ANXA13: variants seen among roughly 807,000 people sequenced by gnomAD.
ANXA13 encodes annexin A13.
In ANXA13, 36 loss-of-function variants were observed where a neutral mutation model predicts 46.6. The observed-to-expected ratio is 0.77, with a 90% CI of 0.59 to 1.02. The LOEUF (loss-of-function observed/expected upper bound fraction) is 1.02. Ranked by LOEUF, ANXA13 falls within the 50% of genes least tolerant of loss-of-function variation. ANXA13 has a pLI of 0.00. For synonymous variants in ANXA13, 163 were observed against 152.9 expected (o/e 1.07, Z -0.49); for missense variants, 417 against 396.5 (o/e 1.05, Z -0.44).
intron 2 of ANXA13, among the ~76,000 whole-genome samples, chr8:123,711,278 A>G (rs1049419997): frequency 3.3e-5 from 5 of 152,184 alleles, no homozygotes; most frequent in Non-Finnish European, 7.4e-5. Flanking sequence ...AACACCTATG[A>G]AGGCATCTAC....
rs1178076554 is a variant in ANXA13 at position 123,689,053 on chromosome 8, T to C, written c.643-107A>G. The stretch of plus-strand genomic sequence containing the variant: ...CACTCAAGTTTTCCAGATTTAGTCC[T>C]GTGGCTTCAGGGAACTGCTATCCTG... On this transcript the variant is annotated intron_variant, in intron 8 of 10. Transcript: ENST00000419625. 5 of 1,060,504 alleles carry C rather than the reference T, an allele frequency of 4.7e-6. No homozygotes were observed. The East Asian group carries it at 7.5e-5, about 16-fold the overall frequency. The allele number at this position is 1,060,504 out of a possible 1,614,324, so 65.7% of individuals were successfully genotyped here. A position where few individuals can be genotyped will look rare whatever the true frequency, so the allele number is the denominator to read the frequency against.
intron 4 of ANXA13, 58 bp from the exon 5 acceptor site, chr8:123,695,779 G>A (rs1165199308): frequency 7.0e-7 from 1 of 1,438,832 alleles, no homozygotes; most frequent in African/African-American, 1.4e-5. Context: ...ATCAATAAGA[G>A]ATACAGAGAG....
intron 9 of ANXA13, among the ~76,000 whole-genome samples, chr8:123,685,563 A>C (rs1199401337): frequency 6.6e-6 from 1 of 152,254 alleles, no homozygotes; most frequent in Non-Finnish European, 1.5e-5. Context: ...AGTGATTAAC[A>C]GTAAGTGATT....
Position 123,693,792 on chromosome 8 carries a change from A to C in ANXA13, c.472-13T>G. The C allele has an allele frequency of 1.2e-6, 2 of 1,612,008 alleles. No individual in the cohort carries two copies. The highest frequency in any genetic ancestry group is 2.7e-5 in the African/African-American group (2 of 74,994). ...CATTGCGATTAGCCTAGAAAAATTG[A>C]CACATTGTTATTAACTTGCATTCCT... On this transcript the variant is annotated splice_polypyrimidine_tract_variant and intron_variant, in intron 6 of 10. Coordinates refer to ENST00000419625, the MANE Select transcript of ANXA13 (RefSeq NM_004306.4).
intron 1 of ANXA13, among the ~76,000 whole-genome samples, chr8:123,730,376 C>T (rs1213020395): frequency 6.6e-6 from 1 of 152,216 alleles, no homozygotes; most frequent in Admixed American, 6.5e-5. Flanking sequence ...CGGGCTCCAC[C>T]TTAGATTTAC....
intron 1 of ANXA13, among the ~76,000 whole-genome samples, chr8:123,717,985 C>T (rs549315346): frequency 6.6e-6 from 1 of 152,352 alleles, no homozygotes; most frequent in East Asian, 1.9e-4. Context: ...CACCCAGGCT[C>T]GCTTGCGCCC....
Position 123,702,555 on chromosome 8 carries a change from A to T in ANXA13, c.186+87T>A, listed in dbSNP as rs527572548. The stretch of plus-strand genomic sequence containing the variant: ...GGGCTGACTCAATAAAGCTATAAAG[A>T]TATTCTGCGTGGCCTGGGGACATGA... On this transcript the variant is annotated intron_variant, in intron 3 of 10. Transcript: ENST00000419625. 6.7e-4 allele frequency: 686 copies of T among 1,031,308 alleles called. 8 individuals carry two copies. The highest frequency in any genetic ancestry group is 6.5e-3 in the South Asian group (491 of 75,704). The allele number at this position is 1,031,308 out of a possible 1,614,324, so 63.9% of individuals were successfully genotyped here.
intron 2 of ANXA13, among the ~76,000 whole-genome samples, chr8:123,703,974 A>C (rs1445789790): frequency 6.6e-6 from 1 of 152,224 alleles, no homozygotes; most frequent in East Asian, 1.9e-4. Flanking sequence ...TACCGACTGC[A>C]TGACATTGGG....
At chr8:123,705,369 T>C (rs1813520552) in intron 2 of ANXA13, among the ~76,000 whole-genome samples, 1 of 152,250 alleles carries the variant, frequency 6.6e-6, no homozygotes, top group Non-Finnish European at 1.5e-5. Context: ...TAGAATTACA[T>C]CAGAATCCCT....
At chr8:123,712,851 C>CAG in intron 1 of ANXA13, 98 bp from the exon 2 acceptor site, 4 of 1,018,662 alleles carry the variant, frequency 3.9e-6, no homozygotes, top group Non-Finnish European at 6.0e-6. Context: ...AATAGTCATC[C>CAG]TAACCAGGGA....
At chr8:123,711,360 G>A (rs2129894769) in intron 2 of ANXA13, among the ~76,000 whole-genome samples, 1 of 152,280 alleles carries the variant, frequency 6.6e-6, no homozygotes, top group South Asian at 2.1e-4. Flanking sequence ...TGCTTTGGAT[G>A]TCACCCTCTT....
chr8:123,690,585 T>C lies in ANXA13; in HGVS notation c.643-1639A>G, dbSNP rs1813215927. On this transcript the variant is annotated intron_variant, in intron 8 of 10. Transcript: ENST00000419625. The surrounding 1 kb of genome is among the most constrained non-coding windows in gnomAD (Gnocchi z 4.6). ...GGCCCAAGCTGTTGGGACTGTACTT[T>C]GGATACTTCTCACTTCAGTTACTGC... Among the ~76,000 whole-genome samples the C allele has an allele frequency of 1.3e-5, 2 of 152,216 alleles. No homozygotes were observed. The highest frequency in any genetic ancestry group is 4.1e-4 in the South Asian group (2 of 4,832).
intron 1 of ANXA13, among the ~76,000 whole-genome samples, chr8:123,722,227 C>T (rs1235228444): frequency 1.3e-5 from 2 of 151,986 alleles, no homozygotes; most frequent in East Asian, 1.9e-4. Flanking sequence ...GCAGGAGAAT[C>T]ACTTGAGGCC....
intron 1 of ANXA13, among the ~76,000 whole-genome samples, chr8:123,726,117 T>G (rs1813985903): frequency 6.6e-6 from 1 of 152,228 alleles, no homozygotes; most frequent in African/African-American, 2.4e-5. Context: ...TTTGCTTGCA[T>G]ATGTTGACTG....
At chr8:123,706,221 A>G (rs1208376620) in intron 2 of ANXA13, among the ~76,000 whole-genome samples, 1 of 152,214 alleles carries the variant, frequency 6.6e-6, no homozygotes, top group Non-Finnish European at 1.5e-5. Context: ...CCAATTACTC[A>G]TTCTATGACA....
intron 1 of ANXA13, among the ~76,000 whole-genome samples, chr8:123,731,459 AT>A (rs1814115490): frequency 6.6e-6 from 1 of 152,218 alleles, no homozygotes; most frequent in African/African-American, 2.4e-5. Context: ...ATTTATCCAA[AT>A]TTTATTAAGC....
At position 123,695,888 on chromosome 8, in the gene ANXA13, C is replaced by T. The variant is rs545670571; in HGVS notation, c.358-167G>A. On this transcript the variant is annotated intron_variant, in intron 4 of 10. Coordinates refer to ENST00000419625, the MANE Select transcript of ANXA13 (RefSeq NM_004306.4). ...CAGGGCACACGCCTGGAGCGAGTCC[C>T]TGGAGATGTGACGGCCCGCCCCCCC... is the stretch of plus-strand genomic sequence containing the variant. 2.6e-5 allele frequency among the ~76,000 whole-genome samples: 4 copies of T among 152,018 alleles called. No individual in the cohort carries two copies. The East Asian group carries it at 7.8e-4, about 29-fold the overall frequency.
intron 10 of ANXA13, among the ~76,000 whole-genome samples, chr8:123,683,618 G>T: frequency 7.7e-6 from 1 of 130,300 alleles, no homozygotes; most frequent in African/African-American, 2.9e-5. Flanking sequence ...ACCGAGTCTC[G>T]CTCTGTTACT....
intron 1 of ANXA13, among the ~76,000 whole-genome samples, chr8:123,725,385 C>T (rs920420140): frequency 1.3e-5 from 2 of 152,156 alleles, no homozygotes; most frequent in African/African-American, 2.4e-5. Context: ...TCAGGGTCAC[C>T]TTATGGAAAC....
Sources: gnomAD v4.1 joint callset for allele counts (sites outside exome capture counted in the v4.1 genomes callset) on GRCh38, gnomAD v4.1.1 for gene constraint, Gnocchi (gnomAD v3.1) non-coding constraint, MANE v1.5 for transcripts, NCBI Gene and HGNC (gene_info 2026-07-23, HGNC 2026-07-21) for gene names.